ENTREP2: variants seen among roughly 807,000 people sequenced by gnomAD.
ENTREP2 encodes the protein protein ENTREP2.
the ENTREP2 span, among the ~76,000 whole-genome samples, chr15:29,648,306 G>A: frequency 6.6e-6 from 1 of 152,160 alleles, no homozygotes; most frequent in South Asian, 2.1e-4. Context: ...TGCTTCTGTA[G>A]ATATTATCCT....
the ENTREP2 span, among the ~76,000 whole-genome samples, chr15:29,189,595 C>CT: frequency 2.6e-5 from 4 of 152,054 alleles, no homozygotes; most frequent in African/African-American, 9.7e-5. Context: ...AGAATAAGAT[C>CT]TTTAACTTTG....
At chr15:29,447,541 C>T in the ENTREP2 span, among the ~76,000 whole-genome samples, 1 of 152,278 alleles carries the variant, frequency 6.6e-6, no homozygotes, top group Admixed American at 6.5e-5. Context: ...TCGCAGCTCA[C>T]TGCAGCTTCA....
the ENTREP2 span, chr15:29,609,781 G>A: frequency 1.3e-5 from 2 of 150,356 alleles, no homozygotes; most frequent in Non-Finnish European, 3.0e-5. Context: ...ATATGAGCAG[G>A]TACATCTGTA....
At chr15:29,388,932 G>A in the ENTREP2 span, among the ~76,000 whole-genome samples, 4 of 139,970 alleles carry the variant, frequency 2.9e-5, no homozygotes, top group African/African-American at 1.1e-4. Flanking sequence ...CTTGGACACA[G>A]GAAGGGGAAC....
the ENTREP2 span, among the ~76,000 whole-genome samples, chr15:29,288,113 G>A: frequency 5.3e-5 from 8 of 152,122 alleles, no homozygotes; most frequent in Non-Finnish European, 1.0e-4. Context: ...AAATATAGGT[G>A]GGAAAATAAA....
chr15:29,423,634 A>C, the ENTREP2 span, among the ~76,000 whole-genome samples: 2 of 98,436 alleles, frequency 2.0e-5, no homozygotes, highest in Non-Finnish European at 3.6e-5. Context: ...AAAAATACAA[A>C]AAAAAAAAAA....
the ENTREP2 span, among the ~76,000 whole-genome samples, chr15:29,605,786 G>A: frequency 6.6e-6 from 1 of 152,094 alleles, no homozygotes; most frequent in African/African-American, 2.4e-5. Context: ...GCAGTGAGCC[G>A]AGAGCACCAT....
the ENTREP2 span, among the ~76,000 whole-genome samples, chr15:29,402,882 C>T: frequency 6.6e-6 from 1 of 152,186 alleles, no homozygotes; most frequent in African/African-American, 2.4e-5. Flanking sequence ...GCTGGTTCTG[C>T]CTCCTAAGTG....
chr15:29,358,219 C>T, the ENTREP2 span, among the ~76,000 whole-genome samples: 11 of 152,294 alleles, frequency 7.2e-5, no homozygotes, highest in Middle Eastern at 6.8e-3. Flanking sequence ...ATATTGTGAT[C>T]TATTCACACC....
chr15:29,609,657 C>A, the ENTREP2 span: 1 of 149,934 alleles, frequency 6.7e-6, no homozygotes, highest in Non-Finnish European at 1.5e-5. Context: ...CCAATTATTA[C>A]TAATTAATAC....
the ENTREP2 span, among the ~76,000 whole-genome samples, chr15:29,480,680 G>A: frequency 6.6e-6 from 1 of 152,198 alleles, no homozygotes; most frequent in Non-Finnish European, 1.5e-5. Context: ...GGCAGAGCCT[G>A]CCAACCTGGA....
the ENTREP2 span, among the ~76,000 whole-genome samples, chr15:29,192,968 G>A: frequency 2.0e-5 from 3 of 152,280 alleles, no homozygotes; most frequent in African/African-American, 7.2e-5. Flanking sequence ...GAATAGGAGG[G>A]TACTTCTACA....
the ENTREP2 span, chr15:29,196,417 C>G: frequency 6.5e-7 from 1 of 1,549,548 alleles, no homozygotes; most frequent in Non-Finnish European, 8.7e-7. Flanking sequence ...CAAGCAGCGC[C>G]CAGCGGGGTC....
chr15:29,207,134 A>G, the ENTREP2 span, among the ~76,000 whole-genome samples: 4 of 152,094 alleles, frequency 2.6e-5, no homozygotes, highest in Non-Finnish European at 4.4e-5. Context: ...AGGACTGGGC[A>G]CCTTTTTGTT....
chr15:29,478,426 C>T, the ENTREP2 span, among the ~76,000 whole-genome samples: 348 of 152,222 alleles, frequency 2.3e-3, 5 homozygotes, highest in Middle Eastern at 0.01. Context: ...CTTTCATGCA[C>T]CTCAAGTCTT....
the ENTREP2 span, among the ~76,000 whole-genome samples, chr15:29,273,199 CTTT>C: frequency 4.5e-5 from 6 of 133,816 alleles, no homozygotes; most frequent in African/African-American, 5.9e-5. Context: ...ATAAATTAAA[CTTT>C]TTTTTTTTTT....
chr15:29,235,577 C>CA, the ENTREP2 span, among the ~76,000 whole-genome samples: 1 of 152,124 alleles, frequency 6.6e-6, no homozygotes, highest in Non-Finnish European at 1.5e-5. Context: ...GCAGCTAAAG[C>CA]AATACTGAGA....
At chr15:29,504,185 T>C in the ENTREP2 span, among the ~76,000 whole-genome samples, 1 of 152,140 alleles carries the variant, frequency 6.6e-6, no homozygotes, top group African/African-American at 2.4e-5. Flanking sequence ...TCTACCAACA[T>C]GTTTCTACCT....
At chr15:29,193,198 G>T in the ENTREP2 span, among the ~76,000 whole-genome samples, 2 of 152,096 alleles carry the variant, frequency 1.3e-5, no homozygotes, top group Non-Finnish European at 2.9e-5. Context: ...AAGGATACTC[G>T]AGAACTGGCA....
Sources: gnomAD v4.1 joint callset for allele counts (sites outside exome capture counted in the v4.1 genomes callset) on GRCh38, gnomAD v4.1.1 for gene constraint, MANE v1.5 for transcripts, NCBI Gene and HGNC (gene_info 2026-07-23, HGNC 2026-07-21) for gene names.